The following EPHA5 variants were observed in gnomAD, a reference collection of about 807,000 sequenced individuals.
EPHA5 encodes the protein EPH receptor A5.
Under a neutral mutation model 105.0 loss-of-function variants are expected in EPHA5, and 60 were observed. That is an observed-to-expected ratio of 0.57 (90% CI 0.46 to 0.71). The LOEUF (loss-of-function observed/expected upper bound fraction) is 0.71, where lower values mean the gene tolerates loss of function less well. Among genes scored for constraint, EPHA5 ranks in the 30% least tolerant of loss-of-function variants. The pLI, the probability that EPHA5 is intolerant of heterozygous loss-of-function variation, is 0.00. For missense variants in EPHA5, 1,218 were observed against 1,274.7 expected, an observed-to-expected ratio of 0.96 and a Z score of 0.68; for synonymous variants, 513 against 449.1, an observed-to-expected ratio of 1.14 and a Z score of -1.80.
At chr4:65,401,872 A>T (rs1721860458) in intron 8 of EPHA5, among the ~76,000 whole-genome samples, 3 of 149,978 alleles carry the variant, frequency 2.0e-5, no homozygotes, top group African/African-American at 5.0e-5. Context: ...CAGCAATTTC[A>T]GGTATATATA....
At chr4:65,423,729 G>A (rs577593080) in intron 5 of EPHA5, among the ~76,000 whole-genome samples, 1 of 150,138 alleles carries the variant, frequency 6.7e-6, no homozygotes, top group Admixed American at 6.6e-5. Flanking sequence ...GATGCTCTAG[G>A]CTCATCTTGC....
At chr4:65,327,979 T>C (rs1366528262) in intron 16 of EPHA5, among the ~76,000 whole-genome samples, 2 of 151,178 alleles carry the variant, frequency 1.3e-5, no homozygotes, top group Non-Finnish European at 3.0e-5. Flanking sequence ...CTATGTACAA[T>C]AATTTTTGAA....
chr4:65,586,809 T>C (rs1357816104), intron 3 of EPHA5, among the ~76,000 whole-genome samples: 1 of 152,090 alleles, frequency 6.6e-6, no homozygotes, highest in Non-Finnish European at 1.5e-5. Flanking sequence ...AAAGTTATTG[T>C]AAGGATTAAA....
intron 3 of EPHA5, among the ~76,000 whole-genome samples, chr4:65,553,669 A>T (rs1464354075): frequency 6.6e-6 from 1 of 152,086 alleles, no homozygotes. Context: ...AGCTGTACAA[A>T]GTGCTAAATA....
intron 8 of EPHA5, chr4:65,377,172 A>C: frequency 1.0e-6 from 1 of 994,778 alleles, no homozygotes; most frequent in Non-Finnish European, 1.4e-6. Context: ...TTTCAAAATC[A>C]AAAACCTCTA....
chr4:65,547,091 G>A (rs1737449312), intron 3 of EPHA5, among the ~76,000 whole-genome samples: 1 of 151,940 alleles, frequency 6.6e-6, no homozygotes, highest in Non-Finnish European at 1.5e-5. Context: ...ACAAATGCCT[G>A]GTGTGATGAA....
At chr4:65,452,861 A>G (rs1230272602) in intron 5 of EPHA5, among the ~76,000 whole-genome samples, 1 of 152,210 alleles carries the variant, frequency 6.6e-6, no homozygotes, top group East Asian at 1.9e-4. Context: ...ACAATAACCT[A>G]AACTTAATTG....
intron 14 of EPHA5, among the ~76,000 whole-genome samples, chr4:65,345,836 A>G (rs1366758297): frequency 1.3e-5 from 2 of 151,652 alleles, no homozygotes; most frequent in African/African-American, 2.4e-5. Context: ...GCAGTGGCGC[A>G]ATCTCGGCTC....
Position 65,546,629 on chromosome 4 carries a change from T to A in EPHA5, c.911-51086A>T, listed in dbSNP as rs778863915. ...GTGATTTATAATTCCAGTTTTCTAA[T>A]TTTGCTCAAAGTTAGCAATTAAAAT... On this transcript the variant is annotated intron_variant, in intron 3 of 16. Transcript: ENST00000613740. 4.5e-4 allele frequency among the ~76,000 whole-genome samples: 68 copies of A among 152,168 alleles called. 1 individual carries two copies. Among genetic ancestry groups the A allele is most frequent in the Non-Finnish European group, 7.5e-4 (51 of 67,980 alleles).
chr4:65,565,698 A>G (rs996973015), intron 3 of EPHA5, among the ~76,000 whole-genome samples: 2 of 151,796 alleles, frequency 1.3e-5, no homozygotes, highest in African/African-American at 4.8e-5. Context: ...CATTAAAAAA[A>G]AAAGATAATC....
chr4:65,384,804 G>C (rs1048468860), intron 8 of EPHA5, among the ~76,000 whole-genome samples: 1 of 151,824 alleles, frequency 6.6e-6, no homozygotes, highest in Non-Finnish European at 1.5e-5. Flanking sequence ...TTCTGTTCCA[G>C]CATAATAATA....
chr4:65,373,916 A>T (rs1403333630), intron 8 of EPHA5, among the ~76,000 whole-genome samples: 2 of 148,834 alleles, frequency 1.3e-5, no homozygotes, highest in Non-Finnish European at 1.5e-5. Context: ...GAAATGCAAG[A>T]AATGGCTACT....
intron 14 of EPHA5, among the ~76,000 whole-genome samples, chr4:65,336,374 T>C (rs1296036371): frequency 1.3e-5 from 2 of 152,064 alleles, no homozygotes; most frequent in Non-Finnish European, 2.9e-5. Flanking sequence ...TGGTAATCAT[T>C]TTTTCTTAAA....
At chr4:65,339,811 G>A (rs7679221) in intron 14 of EPHA5, among the ~76,000 whole-genome samples, 43,078 of 151,910 alleles carry the variant, frequency 0.28, 7,267 homozygotes, top group East Asian at 0.44. Flanking sequence ...CACTTGGACT[G>A]GGACCATGTA....
At chr4:65,493,843 A>C (rs949602967) in intron 4 of EPHA5, among the ~76,000 whole-genome samples, 5 of 152,150 alleles carry the variant, frequency 3.3e-5, no homozygotes, top group African/African-American at 4.8e-5. Context: ...AAAAAAAGAA[A>C]GATAATGGGT....
intron 2 of EPHA5, among the ~76,000 whole-genome samples, chr4:65,622,842 A>T (rs1008276319): frequency 6.6e-6 from 1 of 152,098 alleles, no homozygotes; most frequent in African/African-American, 2.4e-5. Flanking sequence ...GGCTTCCAAG[A>T]TAAAGTGTGT....
intron 3 of EPHA5, among the ~76,000 whole-genome samples, chr4:65,511,677 T>C (rs1733640332): frequency 6.6e-6 from 1 of 152,176 alleles, no homozygotes; most frequent in African/African-American, 2.4e-5. Context: ...TAAGAAAAGT[T>C]TTGTAAATCT....
intron 13 of EPHA5, among the ~76,000 whole-genome samples, chr4:65,349,642 A>C (rs997071882): frequency 6.6e-6 from 1 of 152,114 alleles, no homozygotes; most frequent in African/African-American, 2.4e-5. Flanking sequence ...AGGAAATAAC[A>C]GTTTGGGGTC....
intron 16 of EPHA5, among the ~76,000 whole-genome samples, chr4:65,325,166 A>G (rs1490590906): frequency 6.6e-6 from 1 of 151,450 alleles, no homozygotes; most frequent in Non-Finnish European, 1.5e-5. Context: ...TGAACACATT[A>G]TGTGAAAAGT....
Sources: gnomAD v4.1 joint callset for allele counts (sites outside exome capture counted in the v4.1 genomes callset) on GRCh38, gnomAD v4.1.1 for gene constraint, MANE v1.5 for transcripts, NCBI Gene and HGNC (gene_info 2026-07-23, HGNC 2026-07-21) for gene names.